The following HECA variants were observed in gnomAD, a reference collection of about 807,000 sequenced individuals.
The protein encoded by HECA is HECA ribonucleoprotein granule regulator.
In HECA, 13 loss-of-function variants were observed where a neutral mutation model predicts 37.6. That is an observed-to-expected ratio of 0.35 (90% CI 0.23 to 0.55). The LOEUF (loss-of-function observed/expected upper bound fraction) is 0.55. Among genes scored for constraint, HECA ranks in the 20% least tolerant of loss-of-function variants. The pLI is 0.90. For synonymous variants in HECA, 307 were observed against 291.5 expected, an observed-to-expected ratio of 1.05 and a Z score of -0.54; for missense variants, 527 against 701.9, an observed-to-expected ratio of 0.75 and a Z score of 2.82.
intron 2 of HECA, among the ~76,000 whole-genome samples, chr6:139,172,764 C>A (rs1201453455): frequency 6.6e-6 from 1 of 152,168 alleles, no homozygotes; most frequent in Non-Finnish European, 1.5e-5. Context: ...ATCTTAAGAA[C>A]TTGGGCAAGC....
At chr6:139,152,680 C>A (rs987199559) in intron 1 of HECA, among the ~76,000 whole-genome samples, 1 of 152,050 alleles carries the variant, frequency 6.6e-6, no homozygotes, top group Admixed American at 6.6e-5. Context: ...CTAATTAAAA[C>A]AAGTTGACAA....
At chr6:139,173,136 GCATGTGAGA>G (rs1419276408) in intron 2 of HECA, among the ~76,000 whole-genome samples, 5 of 152,226 alleles carry the variant, frequency 3.3e-5, no homozygotes, top group African/African-American at 1.2e-4. Flanking sequence ...AGTAGATGTG[GCATGTGAGA>G]CCCTTTTATT....
intron 1 of HECA, among the ~76,000 whole-genome samples, chr6:139,143,738 G>A (rs1057213562): frequency 2.6e-5 from 4 of 152,040 alleles, no homozygotes; most frequent in Non-Finnish European, 5.9e-5. Flanking sequence ...GCACGTGCCT[G>A]TAATCCCAGC....
intron 1 of HECA, among the ~76,000 whole-genome samples, chr6:139,160,407 A>G (rs1383725589): frequency 1.3e-5 from 2 of 152,162 alleles, no homozygotes; most frequent in Admixed American, 6.5e-5. Flanking sequence ...TGTCAGATCA[A>G]TCTATATTCC....
intron 1 of HECA, among the ~76,000 whole-genome samples, chr6:139,150,920 T>G (rs970328550): frequency 6.6e-6 from 1 of 152,232 alleles, no homozygotes; most frequent in Non-Finnish European, 1.5e-5. Context: ...AATCATATTA[T>G]AGCAAGTTGC....
At chr6:139,142,504 A>G (rs1003841829) in intron 1 of HECA, among the ~76,000 whole-genome samples, 11 of 152,154 alleles carry the variant, frequency 7.2e-5, no homozygotes, top group African/African-American at 2.4e-4. Context: ...TTTTAAAGGC[A>G]TGCTGGAGAA....
intron 1 of HECA, among the ~76,000 whole-genome samples, chr6:139,151,835 T>C (rs1774653900): frequency 6.6e-6 from 1 of 152,236 alleles, no homozygotes; most frequent in South Asian, 2.1e-4. Flanking sequence ...ACAATCTGGT[T>C]ACGCAAAGCT....
intron 1 of HECA, among the ~76,000 whole-genome samples, chr6:139,142,120 G>T (rs1161028914): frequency 6.6e-6 from 1 of 151,908 alleles, no homozygotes; most frequent in Admixed American, 6.6e-5. Context: ...TAGAGACAGG[G>T]TTTCACCACG....
intron 2 of HECA, among the ~76,000 whole-genome samples, 159 bp from the exon 3 acceptor site, chr6:139,174,225 GA>G (rs1775019914): frequency 6.6e-6 from 1 of 152,184 alleles, no homozygotes; most frequent in Non-Finnish European, 1.5e-5. Context: ...TCATTATCCT[GA>G]AAGGACAGCT....
chr6:139,171,978 C>A (rs146638043), intron 2 of HECA, among the ~76,000 whole-genome samples: 1 of 151,928 alleles, frequency 6.6e-6, no homozygotes. Flanking sequence ...CTACAGGCGC[C>A]GCCACCACGC....
chr6:139,158,520 A>T (rs1404945973), intron 1 of HECA, among the ~76,000 whole-genome samples: 1 of 139,644 alleles, frequency 7.2e-6, no homozygotes, highest in African/African-American at 2.7e-5. Context: ...AAAAAAAATC[A>T]GCTGGGAGTG....
Position 139,135,344 on chromosome 6 carries a change from C to A in HECA, c.-53C>A, listed in dbSNP as rs1009039071. On this transcript the variant is annotated 5_prime_UTR_variant, in exon 1 of 4. The change creates a new upstream start codon in the 5' untranslated region. Coordinates refer to ENST00000367658, the MANE Select transcript of HECA (RefSeq NM_016217.3). Reference sequence around the variant, plus strand: ...CGCAGGGCCGGGAACGGCCGTGCCTCTGGGATCCGCCTTCGCTGACGCCGG... The same window carrying A: ...CGCAGGGCCGGGAACGGCCGTGCCTATGGGATCCGCCTTCGCTGACGCCGG... 2.4e-6 allele frequency: 3 copies of A among 1,268,230 alleles called. No individual in the cohort carries two copies. The Admixed American group carries it at 9.6e-5, about 40-fold the overall frequency. 78.6% of individuals were successfully genotyped at this position (1,268,230 alleles called of 1,614,324 possible).
Position 139,178,038 on chromosome 6 carries a change from A to T in HECA, c.*933A>T, listed in dbSNP as rs3777668. On this transcript the variant is annotated 3_prime_UTR_variant, in exon 4 of 4. Transcript: ENST00000367658. Reference sequence around the variant, plus strand: ...TCCTCAAAATTGCTTATGGCCATGTATAACCAATTAATTCTGAGTTTCCAA... The same window carrying T: ...TCCTCAAAATTGCTTATGGCCATGTTTAACCAATTAATTCTGAGTTTCCAA... 0.84 allele frequency: 127,662 copies of T among 152,230 alleles called. 54,250 individuals are homozygous for T. The highest frequency in any genetic ancestry group is 0.91 in the African/African-American group (37,865 of 41,550). The allele number at this position is 152,230 out of a possible 1,614,324, so 9.4% of individuals were successfully genotyped here.
At chr6:139,174,184 A>G (rs762452941) in intron 2 of HECA, among the ~76,000 whole-genome samples, 1 of 152,238 alleles carries the variant, frequency 6.6e-6, no homozygotes, top group Non-Finnish European at 1.5e-5. Flanking sequence ...AACTTAAAAT[A>G]CATGCTTTAT....
At chr6:139,155,419 C>G (rs1774699655) in intron 1 of HECA, among the ~76,000 whole-genome samples, 1 of 151,982 alleles carries the variant, frequency 6.6e-6, no homozygotes, top group South Asian at 2.1e-4. Context: ...CTTAGGCTAC[C>G]CTAAATGTAG....
At chr6:139,151,116 C>T (rs918663922) in intron 1 of HECA, 3 of 152,078 alleles carry the variant, frequency 2.0e-5, no homozygotes, top group Non-Finnish European at 4.4e-5. Context: ...AGAAATAGGC[C>T]GTGCAGTGTG....
Position 139,136,087 on chromosome 6 carries a change from G to T in HECA, c.271+420G>T, listed in dbSNP as rs946298272. On this transcript the variant is annotated intron_variant, in intron 1 of 3. Coordinates refer to ENST00000367658, the MANE Select transcript of HECA (RefSeq NM_016217.3). Reference sequence around the variant, plus strand: ...TCTTCCCGGTGCTCCAAGGCCACCCGTAACCCCCGGAATGAAGGAGAGAGA... The same window carrying T: ...TCTTCCCGGTGCTCCAAGGCCACCCTTAACCCCCGGAATGAAGGAGAGAGA... 2.0e-5 allele frequency among the ~76,000 whole-genome samples: 3 copies of T among 152,094 alleles called. No homozygotes were observed. The East Asian group carries it at 5.8e-4, about 29-fold the overall frequency.
chr6:139,136,984 T>G (rs1774456123), intron 1 of HECA, among the ~76,000 whole-genome samples: 1 of 152,226 alleles, frequency 6.6e-6, no homozygotes, highest in Admixed American at 6.5e-5. Context: ...CAGCGTACAG[T>G]GCTCTGAACA....
chr6:139,167,859 G>T (rs529425958), intron 2 of HECA, among the ~76,000 whole-genome samples: 5 of 152,142 alleles, frequency 3.3e-5, no homozygotes, highest in Middle Eastern at 3.2e-3. Flanking sequence ...AAGGAGGGGC[G>T]ATGGGGAAGC....
Sources: allele counts gnomAD v4.1 joint callset (sites outside exome capture counted in the v4.1 genomes callset), GRCh38; gene constraint gnomAD v4.1.1; transcripts MANE v1.5; gene names NCBI Gene and HGNC (gene_info 2026-07-23, HGNC 2026-07-21).